The following PAQR5 variants were observed in gnomAD, a reference collection of about 807,000 sequenced individuals.
PAQR5 encodes the protein progestin and adipoQ receptor family member 5.
A neutral mutation model predicts 34.5 loss-of-function variants in PAQR5; 20 were observed. That is an observed-to-expected ratio of 0.58 (90% CI 0.41 to 0.84). The LOEUF (loss-of-function observed/expected upper bound fraction) is 0.84, where lower values mean the gene tolerates loss of function less well. PAQR5 is among the 40% of genes least tolerant of loss of function. PAQR5 has a pLI of 0.00. For missense variants in PAQR5, 378 were observed against 412.7 expected (o/e 0.92, Z 0.73); for synonymous variants, 131 against 155.6 (o/e 0.84, Z 1.18).
chr15:69,387,835 C>T (rs1367885408), intron 5 of PAQR5, among the ~76,000 whole-genome samples: 1 of 152,208 alleles, frequency 6.6e-6, no homozygotes, highest in Non-Finnish European at 1.5e-5. Context: ...CTCTTCCCTT[C>T]CCTGCAGGCT....
chr15:69,392,090 T>C, intron 6 of PAQR5: 1 of 234,302 alleles, frequency 4.3e-6, no homozygotes, highest in Non-Finnish European at 8.7e-6. Flanking sequence ...CCAAGATGGC[T>C]TCCCCATGAG....
At chr15:69,398,490 G>GCCT (rs1258637839) in intron 7 of PAQR5, among the ~76,000 whole-genome samples, 1 of 152,194 alleles carries the variant, frequency 6.6e-6, no homozygotes, top group African/African-American at 2.4e-5. Flanking sequence ...GCTCTGCGGT[G>GCCT]CCTGTCCAGT....
chr15:69,399,938 C>T, intron 7 of PAQR5, 36 bp from the exon 8 acceptor site: 1 of 1,599,634 alleles, frequency 6.3e-7, no homozygotes, highest in Non-Finnish European at 8.5e-7. Context: ...TCAGGCCTGT[C>T]CTCTCAAGAC....
chr15:69,341,482 G>T (rs2054642441), intron 2 of PAQR5, among the ~76,000 whole-genome samples: 1 of 150,630 alleles, frequency 6.6e-6, no homozygotes, highest in Non-Finnish European at 1.5e-5. Flanking sequence ...TCAGCCTCCA[G>T]AGTAGCTGAG....
At chr15:69,336,115 C>T (rs922594506) in intron 1 of PAQR5, among the ~76,000 whole-genome samples, 2 of 152,152 alleles carry the variant, frequency 1.3e-5, no homozygotes, top group Admixed American at 1.3e-4. Flanking sequence ...GCTAAGTCTC[C>T]TCTATCAGAG....
At chr15:69,346,815 TTTA>T (rs869149127) in intron 2 of PAQR5, among the ~76,000 whole-genome samples, 3 of 143,880 alleles carry the variant, frequency 2.1e-5, no homozygotes, top group Non-Finnish European at 3.1e-5. Flanking sequence ...TATTTATTTA[TTTA>T]TTTTTATTTT....
At chr15:69,311,987 A>T (rs1006511466) in intron 1 of PAQR5, among the ~76,000 whole-genome samples, 11 of 152,198 alleles carry the variant, frequency 7.2e-5, no homozygotes. Context: ...ATGAGTGGTT[A>T]AATAAGCAAG....
chr15:69,362,897 C>G (rs1441508754), intron 3 of PAQR5, among the ~76,000 whole-genome samples: 2 of 152,210 alleles, frequency 1.3e-5, no homozygotes, highest in African/African-American at 4.8e-5. Flanking sequence ...GTCCCATCCA[C>G]AGACCCTCTT....
At chr15:69,386,100 ACC>A in intron 5 of PAQR5, among the ~76,000 whole-genome samples, 1 of 150,696 alleles carries the variant, frequency 6.6e-6, no homozygotes, top group East Asian at 2.0e-4. Context: ...CCACATACGC[ACC>A]ACACATGCTG....
chr15:69,328,748 A>G (rs2054309899), intron 1 of PAQR5, among the ~76,000 whole-genome samples: 1 of 151,980 alleles, frequency 6.6e-6, no homozygotes, highest in African/African-American at 2.4e-5. Flanking sequence ...TCCCTCTGTC[A>G]CCCATCCCCC....
chr15:69,391,826 G>A (rs2056282222), intron 6 of PAQR5: 3 of 394,518 alleles, frequency 7.6e-6, no homozygotes, highest in Admixed American at 2.8e-5. Flanking sequence ...GGAGCGCCAG[G>A]TGGGTGGATC....
At chr15:69,333,053 T>C (rs767518131) in intron 1 of PAQR5, among the ~76,000 whole-genome samples, 1 of 152,196 alleles carries the variant, frequency 6.6e-6, no homozygotes, top group Non-Finnish European at 1.5e-5. Context: ...AAGGCCTTTA[T>C]GTTTTCCTCT....
intron 2 of PAQR5, among the ~76,000 whole-genome samples, chr15:69,347,418 A>G (rs1042137397): frequency 6.6e-5 from 10 of 152,346 alleles, no homozygotes; most frequent in African/African-American, 2.4e-4. Flanking sequence ...GCTAGGGTTT[A>G]AGTCCCTTTA....
At chr15:69,318,376 C>G (rs1332761816) in intron 1 of PAQR5, among the ~76,000 whole-genome samples, 1 of 151,560 alleles carries the variant, frequency 6.6e-6, no homozygotes, top group Non-Finnish European at 1.5e-5. Context: ...TGTTTAACAC[C>G]CAGGTGGAGG....
At chr15:69,347,224 G>A (rs889680390) in intron 2 of PAQR5, among the ~76,000 whole-genome samples, 25 of 152,168 alleles carry the variant, frequency 1.6e-4, no homozygotes, top group African/African-American at 6.0e-4. Context: ...AAGAAAACAT[G>A]ACACAAGAAA....
At chr15:69,391,060 G>A (rs1422850922) in intron 6 of PAQR5, 2 of 152,554 alleles carry the variant, frequency 1.3e-5, no homozygotes, top group African/African-American at 4.8e-5. Context: ...TGCTGGTCAG[G>A]AAAGGTAAGC....
At chr15:69,352,878 G>A (rs1351039503) in intron 2 of PAQR5, among the ~76,000 whole-genome samples, 2 of 152,200 alleles carry the variant, frequency 1.3e-5, no homozygotes, top group African/African-American at 4.8e-5. Flanking sequence ...GTATGTGGAT[G>A]GACCTCTCTG....
intron 1 of PAQR5, among the ~76,000 whole-genome samples, chr15:69,322,620 A>G (rs1237096579): frequency 1.5e-5 from 2 of 134,734 alleles, no homozygotes; most frequent in East Asian, 2.4e-4. Flanking sequence ...GTACCACTGC[A>G]CTCCAGGCTG....
At chr15:69,342,135 T>G (rs1226897438) in intron 2 of PAQR5, among the ~76,000 whole-genome samples, 1 of 152,102 alleles carries the variant, frequency 6.6e-6, no homozygotes, top group African/African-American at 2.4e-5. Context: ...CCTTCTGTGT[T>G]TTTTGTTTTG....
Sources: allele counts gnomAD v4.1 joint callset (sites outside exome capture counted in the v4.1 genomes callset), GRCh38; gene constraint gnomAD v4.1.1; transcripts MANE v1.5; gene names NCBI Gene and HGNC (gene_info 2026-07-23, HGNC 2026-07-21).